The following CHPF variants were observed in gnomAD, a reference collection of about 807,000 sequenced individuals.
CHPF encodes the protein chondroitin polymerizing factor, non-catalytic subunit.
Under a neutral mutation model 55.1 loss-of-function variants are expected in CHPF, and 34 were observed. The observed-to-expected ratio is 0.62, with a 90% CI of 0.47 to 0.82. CHPF has a LOEUF of 0.82. CHPF is among the 40% of genes least tolerant of loss of function. The pLI, the probability that CHPF is intolerant of heterozygous loss-of-function variation, is 0.00. For synonymous variants in CHPF, 489 were observed against 496.6 expected (o/e 0.98, Z 0.20); for missense variants, 961 against 1,106.1 (o/e 0.87, Z 1.86).
At chr2:219,541,584 G>C in intron 2 of CHPF, 32 bp downstream of exon 2, 1 of 1,492,858 alleles carries the variant, frequency 6.7e-7, no homozygotes, top group Non-Finnish European at 9.0e-7. Context: ...AACATGACAA[G>C]GAGGTATCAG....
chr2:219,540,231 C>G lies in CHPF; in HGVS notation c.1480G>C (p.Val494Leu). The G allele has an allele frequency of 1.9e-6, 3 of 1,613,640 alleles. No individual in the cohort carries two copies. The highest frequency in any genetic ancestry group is 2.5e-6 in the Non-Finnish European group (3 of 1,179,794). Residue 494 changes from valine to leucine, a missense_variant, in exon 4 of 4, where the codon GTG becomes CTG. By Grantham distance (32) the Val-to-Leu change is conservative. Around this residue, in one of 3 missense-constraint regions of CHPF, gnomAD observed 936 missense variants for 1,058.4 expected, o/e 0.88. Coordinates refer to ENST00000243776, the MANE Select transcript of CHPF (RefSeq NM_024536.6). ...RVQLLRPLSRVEILPVPYVTE... is the reference protein window; with the variant it reads ...RVQLLRPLSRLEILPVPYVTE... ...ACATAGGGCACAGGCAAGATCTCCACGCGGCTCAGCGGCCGGAGCAGCTGC... is the reference window on the plus strand; with the variant it reads ...ACATAGGGCACAGGCAAGATCTCCAGGCGGCTCAGCGGCCGGAGCAGCTGC...
chr2:219,540,694 C>G (rs1262670995), intron 3 of CHPF, 52 bp from the exon 4 acceptor site: 1 of 1,507,824 alleles, frequency 6.6e-7, no homozygotes, highest in Admixed American at 2.0e-5. Context: ...GGGAGCAGCA[C>G]ACAGCTGGGG....
At position 219,540,035 on chromosome 2, in the gene CHPF, T is replaced by C. The variant is rs201075985; in HGVS notation, c.1676A>G (p.His559Arg). The C allele has an allele frequency of 2.4e-4, 386 of 1,612,884 alleles. 1 individual carries two copies. Among genetic ancestry groups the C allele is most frequent in the Admixed American group, 3.2e-4 (19 of 59,980 alleles). The change falls in exon 4 of 4, where the codon CAT becomes CGT. Residue 559 changes from histidine to arginine, a missense_variant. Coordinates refer to ENST00000243776, the MANE Select transcript of CHPF (RefSeq NM_024536.6). ...YEPRQAQRVA[H>R]ADVFAPVKAH... ...CTTGACAGGTGCGAAGACATCTGCA[T>C]GGGCCACGCGCTGGGCCTGGCGCGG...
intron 2 of CHPF, 119 bp from the exon 3 acceptor site, chr2:219,541,244 G>A (rs1695263922): frequency 2.1e-5 from 21 of 1,006,164 alleles, no homozygotes; most frequent in Non-Finnish European, 2.9e-5. Context: ...GAGGGTTTAA[G>A]TCTACCTTGA....
At position 219,539,839 on chromosome 2, in the gene CHPF, G is replaced by A; in HGVS notation, c.1872C>T (p.Phe624=). ...TGGCATGCATGCGGCAGCGGTTCAG[G>A]AAGTCAGGCGTGAGCACCGTGTCTG... is the stretch of plus-strand genomic sequence containing the variant. ...AGPDTVLTPD[F]LNRCRMHAIS... is the part of the protein sequence containing the mutation. The change falls in exon 4 of 4, where the codon TTC becomes TTT. Residue 624 remains phenylalanine, a synonymous_variant. Coordinates refer to ENST00000243776, the MANE Select transcript of CHPF (RefSeq NM_024536.6). The A allele has an allele frequency of 1.2e-6, 2 of 1,613,632 alleles. No individual in the cohort carries two copies. Among genetic ancestry groups the A allele is most frequent in the Non-Finnish European group, 1.7e-6 (2 of 1,180,034 alleles).
chr2:219,543,739 G>A lies in CHPF; in HGVS notation c.-201C>T. Reference sequence around the variant, plus strand: ...TCGATTCCCCTCCAGCAGCTGCTCTGGGCTGCGCAGGGTTCTTGCGCTCGG... The same window carrying A: ...TCGATTCCCCTCCAGCAGCTGCTCTAGGCTGCGCAGGGTTCTTGCGCTCGG... On this transcript the variant is annotated 5_prime_UTR_variant, in exon 1 of 4. Coordinates refer to ENST00000243776, the MANE Select transcript of CHPF (RefSeq NM_024536.6). 2.2e-6 allele frequency: 1 copy of A among 452,250 alleles called. No homozygotes were observed. The highest frequency in any genetic ancestry group is 5.2e-5 in the South Asian group (1 of 19,138). 28.0% of individuals were successfully genotyped at this position (452,250 alleles called of 1,614,324 possible). A position where few individuals can be genotyped will look rare whatever the true frequency, so the allele number is the denominator to read the frequency against.
Position 219,541,597 on chromosome 2 carries a change from G to A in CHPF, c.888+19C>T, listed in dbSNP as rs367659642. On this transcript the variant is annotated intron_variant, in intron 2 of 3. Transcript: ENST00000243776. ...TGAACATGACAAGGAGGTATCAGTG[G>A]GATAGCTTATCATCCCACCTCGTGG... 25 of 1,532,708 alleles carry A rather than the reference G, an allele frequency of 1.6e-5. No homozygotes were observed. The highest frequency in any genetic ancestry group is 2.0e-5 in the Non-Finnish European group (23 of 1,133,312). 94.9% of individuals were successfully genotyped at this position (1,532,708 alleles called of 1,614,324 possible).
At chr2:219,541,172 C>T (rs754831619) in intron 2 of CHPF, 47 bp from the exon 3 acceptor site, 1 of 1,508,590 alleles carries the variant, frequency 6.6e-7, no homozygotes, top group Admixed American at 2.3e-5. Context: ...GCATTGTCTT[C>T]CGTTGTCTCA....
chr2:219,542,203 T>C lies in CHPF; in HGVS notation c.315-14A>G. ...ATGTAGCGGGTCCTAGGGGAGGAGA[T>C]GGCACAAGCTTATCAAAAGGACAAC... On this transcript the variant is annotated splice_polypyrimidine_tract_variant and intron_variant, in intron 1 of 3. Coordinates refer to ENST00000243776, the MANE Select transcript of CHPF (RefSeq NM_024536.6). The C allele has an allele frequency of 1.8e-6, 1 of 563,806 alleles. No homozygotes were observed. The highest frequency in any genetic ancestry group is 2.2e-6 in the Non-Finnish European group (1 of 447,066). The allele number at this position is 563,806 out of a possible 1,614,324, so 34.9% of individuals were successfully genotyped here. A position where few individuals can be genotyped will look rare whatever the true frequency, so the allele number is the denominator to read the frequency against.
rs1347308719 is a variant in CHPF, at chr2:219,543,558, C to T, written c.-20G>A. ...CCGCATGGCGCCCGGACCGCGGGTC[C>T]CCGGCCCCGGCGAACCCCCAGAGCA... On this transcript the variant is annotated 5_prime_UTR_variant, in exon 1 of 4. Coordinates refer to ENST00000243776, the MANE Select transcript of CHPF (RefSeq NM_024536.6). 7.5e-7 allele frequency: 1 copy of T among 1,324,812 alleles called. No homozygotes were observed. Among genetic ancestry groups the T allele is most frequent in the Non-Finnish European group, 9.6e-7 (1 of 1,041,760 alleles). 82.1% of individuals were successfully genotyped at this position (1,324,812 alleles called of 1,614,324 possible).
rs773005895 is a variant in CHPF at position 219,540,481 on chromosome 2, G to A, written c.1230C>T (p.Pro410=). ...GGTCAGCCCCACGCAGTGGGCAGCG[G>A]GGTGAGCCATCGGCGCAGGAGAAAG... ...QHAFSCADGS[P]RCPLRGADRA... Residue 410 remains proline, a synonymous_variant, in exon 4 of 4, where the codon CCC becomes CCT. Coordinates refer to ENST00000243776, the MANE Select transcript of CHPF (RefSeq NM_024536.6). 1.7e-5 allele frequency: 28 copies of A among 1,614,032 alleles called. No individual in the cohort carries two copies. The highest frequency in any genetic ancestry group is 2.4e-5 in the Non-Finnish European group (28 of 1,180,008).
chr2:219,543,748 A>G lies in CHPF; in HGVS notation c.-210T>C. 4.4e-6 allele frequency: 2 copies of G among 450,170 alleles called. No homozygotes were observed. The highest frequency in any genetic ancestry group is 7.8e-6 in the Non-Finnish European group (2 of 257,870). 27.9% of individuals were successfully genotyped at this position (450,170 alleles called of 1,614,324 possible). A position where few individuals can be genotyped will look rare whatever the true frequency, so the allele number is the denominator to read the frequency against. ...CTCCAGCAGCTGCTCTGGGCTGCGC[A>G]GGGTTCTTGCGCTCGGCACTGGAGC... On this transcript the variant is annotated 5_prime_UTR_variant, in exon 1 of 4. Transcript: ENST00000243776.
rs745978129 is a variant in CHPF, at chr2:219,541,591, T to C, written c.888+25A>G. ...GGGATTTGAACATGACAAGGAGGTA[T>C]CAGTGGGATAGCTTATCATCCCACC... On this transcript the variant is annotated intron_variant, in intron 2 of 3. Coordinates refer to ENST00000243776, the MANE Select transcript of CHPF (RefSeq NM_024536.6). The C allele has an allele frequency of 8.6e-6, 13 of 1,510,688 alleles. No homozygotes were observed. Among genetic ancestry groups the C allele is most frequent in the Non-Finnish European group, 1.2e-5 (13 of 1,118,110 alleles). The allele number at this position is 1,510,688 out of a possible 1,614,324, so 93.6% of individuals were successfully genotyped here. A position where few individuals can be genotyped will look rare whatever the true frequency, so the allele number is the denominator to read the frequency against.
Position 219,540,191 on chromosome 2 carries a change from C to A in CHPF, c.1520G>T (p.Arg507Leu). 1 of 1,611,708 alleles carries A rather than the reference C, an allele frequency of 6.2e-7. No homozygotes were observed. Among genetic ancestry groups the A allele is most frequent in the Middle Eastern group, 1.7e-4 (1 of 5,982 alleles). ...AGCTAGAGGCAGCAGCACAGTGAGACGTGAGGCCTCAGTGACATAGGGCAC... is the reference window on the plus strand; with the variant it reads ...AGCTAGAGGCAGCAGCACAGTGAGAAGTGAGGCCTCAGTGACATAGGGCAC... ...LPVPYVTEAS[R>L]LTVLLPLAAA... The change falls in exon 4 of 4, where the codon CGT becomes CTT. Residue 507 changes from arginine (R) to leucine (L), a missense_variant. Coordinates refer to ENST00000243776, the MANE Select transcript of CHPF (RefSeq NM_024536.6).
At position 219,541,942 on chromosome 2, in the gene CHPF, G is replaced by C. The variant is rs752942735; in HGVS notation, c.562C>G (p.His188Asp). The part of the protein sequence containing the change: ...HLALRHLLEQ[H>D]GDDFDWFFLV... ...AAGAACCAGTCAAAGTCGTCGCCGT[G>C]CTGCTCCAGCAGGTGGCGCAGCGCC... The change falls in exon 2 of 4, where the codon CAC (histidine) becomes GAC (aspartate). Residue 188 changes from histidine (H) to aspartate (D), a missense_variant. By Grantham distance (81) the His-to-Asp change is moderately conservative. This residue lies in a region of CHPF where 936 missense variants were observed against 1,058.4 expected (regional missense o/e 0.88). Transcript: ENST00000243776. The C allele has an allele frequency of 6.2e-7, 1 of 1,613,230 alleles. No individual in the cohort carries two copies. The highest frequency in any genetic ancestry group is 8.5e-7 in the Non-Finnish European group (1 of 1,179,692).
In CHPF at chr2:219,543,711, G is replaced by A. The variant is rs1695328356; in HGVS notation, c.-173C>T. ...GCCCGAGCCGAATCCCCGGAGCCGC[G>A]CCTCGATTCCCCTCCAGCAGCTGCT... On this transcript the variant is annotated 5_prime_UTR_variant, in exon 1 of 4. Coordinates refer to ENST00000243776, the MANE Select transcript of CHPF (RefSeq NM_024536.6). The A allele has an allele frequency of 2.2e-6, 1 of 446,664 alleles. No homozygotes were observed. Among genetic ancestry groups the A allele is most frequent in the Non-Finnish European group, 3.8e-6 (1 of 262,966 alleles). The allele number at this position is 446,664 out of a possible 1,614,324, so 27.7% of individuals were successfully genotyped here.
Position 219,543,491 on chromosome 2 carries a change from C to T in CHPF, c.48G>A (p.Val16=), listed in dbSNP as rs1459383557. The T allele has an allele frequency of 5.0e-6, 7 of 1,388,970 alleles. No homozygotes were observed. Among genetic ancestry groups the T allele is most frequent in the Non-Finnish European group, 6.5e-6 (7 of 1,077,508 alleles). The allele number at this position is 1,388,970 out of a possible 1,614,324, so 86.0% of individuals were successfully genotyped here. Residue 16 remains valine, a synonymous_variant, in exon 1 of 4, where the codon GTG becomes GTA. Transcript: ENST00000243776. ...LLSVLRPAGP[V]AVGISLGFTL... The stretch of plus-strand genomic sequence containing the variant: ...TGAAGCCCAGGGAGATGCCCACGGC[C>T]ACGGGCCCTGCGGGCCGCAGCACCG...
At position 219,543,670 on chromosome 2, in the gene CHPF, C is replaced by CTGGCTCTGCTCTGCGGGG; in HGVS notation, c.-133_-132insCCCCGCAGAGCAGAGCCA. 1.7e-6 allele frequency: 1 copy of CTGGCTCTGCTCTGCGGGG among 585,178 alleles called. No individual in the cohort carries two copies. Among genetic ancestry groups the CTGGCTCTGCTCTGCGGGG allele is most frequent in the Non-Finnish European group, 2.6e-6 (1 of 384,922 alleles). 36.2% of individuals were successfully genotyped at this position (585,178 alleles called of 1,614,324 possible). On this transcript the variant is annotated 5_prime_UTR_variant, in exon 1 of 4. Transcript: ENST00000243776. ...CGCGGGCGGGCCCGCTCCCTCCCCG[C>CTGGCTCTGCTCTGCGGGG]AGAGCAGAGCCAGCGGCCCGAGCCG... is the stretch of plus-strand genomic sequence containing the variant.
In CHPF at chr2:219,543,629, C is replaced by T. The variant is rs1695326023; in HGVS notation, c.-91G>A. 2 of 1,037,578 alleles carry T rather than the reference C, an allele frequency of 1.9e-6. No individual in the cohort carries two copies. The highest frequency in any genetic ancestry group is 2.5e-6 in the Non-Finnish European group (2 of 793,766). The allele number at this position is 1,037,578 out of a possible 1,614,324, so 64.3% of individuals were successfully genotyped here. A position where few individuals can be genotyped will look rare whatever the true frequency, so the allele number is the denominator to read the frequency against. On this transcript the variant is annotated 5_prime_UTR_variant, in exon 1 of 4. Transcript: ENST00000243776. ...GGCGGGACCGGGGAGGGGGCGGATC[C>T]GGAGGGCTCGGGCCCCGCGGGCGGG...
Sources: allele counts gnomAD v4.1 joint callset, GRCh38; gene constraint gnomAD v4.1.1; regional missense constraint gnomAD v4.1.1; transcripts MANE v1.5; gene names NCBI Gene and HGNC (gene_info 2026-07-23, HGNC 2026-07-21).